Variants in RSRC2 observed in about 807,000 individuals in gnomAD.
RSRC2 encodes the protein arginine/serine-rich coiled-coil protein 2.
RSRC2 carries 5 observed loss-of-function variants against 61.3 expected under a neutral mutation model. That is an observed-to-expected ratio of 0.08 (90% CI 0.04 to 0.17). The LOEUF (loss-of-function observed/expected upper bound fraction) is 0.17. Among genes scored for constraint, RSRC2 ranks in the 10% least tolerant of loss-of-function variants. RSRC2 has a pLI of 1.00. For synonymous variants in RSRC2, 202 were observed against 166.5 expected (o/e 1.21, Z -1.64); for missense variants, 381 against 518.8 (o/e 0.73, Z 2.58).
intron 3 of RSRC2, chr12:122,520,393 A>G: frequency 4.7e-6 from 3 of 638,506 alleles, no homozygotes; most frequent in Non-Finnish European, 7.7e-6. Flanking sequence ...AGTTTATTTC[A>G]AACCAGTTTT....
At chr12:122,510,805 G>C (rs995989850) in intron 7 of RSRC2, among the ~76,000 whole-genome samples, 2 of 152,202 alleles carry the variant, frequency 1.3e-5, no homozygotes, top group Non-Finnish European at 2.9e-5. Flanking sequence ...CCAGCACTTT[G>C]GGAGGCTGGG....
intron 5 of RSRC2, among the ~76,000 whole-genome samples, 185 bp from the exon 6 acceptor site, chr12:122,515,412 C>T (rs1958831102): frequency 6.6e-6 from 1 of 152,192 alleles, no homozygotes; most frequent in African/African-American, 2.4e-5. Context: ...CCAACTCCCT[C>T]ATCCCTTTTT....
intron 2 of RSRC2, among the ~76,000 whole-genome samples, chr12:122,521,768 A>G (rs1338481581): frequency 2.0e-5 from 3 of 152,254 alleles, no homozygotes; most frequent in Non-Finnish European, 4.4e-5. Context: ...TAAGAAAAAT[A>G]AAAACTAAAG....
At chr12:122,522,007 C>T in intron 2 of RSRC2, 136 bp downstream of exon 2, 1 of 873,348 alleles carries the variant, frequency 1.1e-6, no homozygotes, top group Non-Finnish European at 1.7e-6. Context: ...CCTGCCTTGG[C>T]CTCCCAAAGT....
At position 122,506,820 on chromosome 12, in the gene RSRC2, C is replaced by A; in HGVS notation, c.1125+14G>T. The A allele has an allele frequency of 1.4e-6, 2 of 1,468,084 alleles. No individual in the cohort carries two copies. The highest frequency in any genetic ancestry group is 1.9e-6 in the Non-Finnish European group (2 of 1,048,808). 90.9% of individuals were successfully genotyped at this position (1,468,084 alleles called of 1,614,324 possible). A position where few individuals can be genotyped will look rare whatever the true frequency, so the allele number is the denominator to read the frequency against. ...TAGCTAATACAAAGATCCCCTGGCA[C>A]ATGTGAAACTCACCTTAATACCCAT... is the stretch of plus-strand genomic sequence containing the variant. On this transcript the variant is annotated intron_variant, in intron 9 of 9. Coordinates refer to ENST00000331738, the MANE Select transcript of RSRC2 (RefSeq NM_023012.6).
chr12:122,517,728 ATACTT>A (rs955732523), intron 4 of RSRC2, among the ~76,000 whole-genome samples: 5 of 152,152 alleles, frequency 3.3e-5, no homozygotes, highest in Admixed American at 2.0e-4. Context: ...ACAAATCTTA[ATACTT>A]TAGTTTATCT....
chr12:122,508,484 A>T, intron 7 of RSRC2, 37 bp from the exon 8 acceptor site: 2 of 1,466,726 alleles, frequency 1.4e-6, no homozygotes, highest in Non-Finnish European at 1.9e-6. Context: ...TTTTAAAACG[A>T]TTTTAAAACA....
chr12:122,514,892 G>A (rs1403186538), intron 6 of RSRC2: 12 of 685,878 alleles, frequency 1.7e-5, no homozygotes, highest in Non-Finnish European at 1.5e-5. Context: ...AAATCATGAA[G>A]GAAAAAACAG....
At chr12:122,517,527 C>G in intron 4 of RSRC2, 97 bp from the exon 5 acceptor site, 2 of 1,428,000 alleles carry the variant, frequency 1.4e-6, no homozygotes. Flanking sequence ...GCAATAAAGA[C>G]AAGCAAGTAA....
At chr12:122,513,324 C>T (rs933475837) in intron 6 of RSRC2, among the ~76,000 whole-genome samples, 4 of 151,296 alleles carry the variant, frequency 2.6e-5, no homozygotes, top group African/African-American at 9.7e-5. Flanking sequence ...AAATCCTGAC[C>T]TTTAAGCCAA....
At chr12:122,520,565 CTT>C in intron 3 of RSRC2, 8 of 1,367,482 alleles carry the variant, frequency 5.9e-6, no homozygotes, top group Non-Finnish European at 7.8e-6. Flanking sequence ...AGTTCAGTCT[CTT>C]CGCGCATAAG....
chr12:122,516,272 C>G (rs1334318231), intron 5 of RSRC2, among the ~76,000 whole-genome samples: 2 of 152,154 alleles, frequency 1.3e-5, no homozygotes, highest in Admixed American at 6.5e-5. Flanking sequence ...GAGAATAACG[C>G]ATTCATTGAA....
chr12:122,514,629 A>G, intron 6 of RSRC2: 1 of 1,047,612 alleles, frequency 9.5e-7, no homozygotes, highest in African/African-American at 1.7e-5. Context: ...AATAAAACTT[A>G]CAAGATCAAA....
Position 122,526,891 on chromosome 12 carries a change from T to A in RSRC2, c.-38A>T, listed in dbSNP as rs770049303. ...CGGCCGCTAGAGCGGCGCCTCCACTTGTCGCTTTCAACAGTACCGGCCGCT... is the reference window on the plus strand; with the variant it reads ...CGGCCGCTAGAGCGGCGCCTCCACTAGTCGCTTTCAACAGTACCGGCCGCT... On this transcript the variant is annotated 5_prime_UTR_variant, in exon 1 of 10. Coordinates refer to ENST00000331738, the MANE Select transcript of RSRC2 (RefSeq NM_023012.6). 6.2e-7 allele frequency: 1 copy of A among 1,613,666 alleles called. No individual in the cohort carries two copies. Among genetic ancestry groups the A allele is most frequent in the Non-Finnish European group, 8.5e-7 (1 of 1,179,664 alleles).
At chr12:122,514,328 G>A (rs1450768070) in intron 6 of RSRC2, among the ~76,000 whole-genome samples, 4 of 149,114 alleles carry the variant, frequency 2.7e-5, no homozygotes, top group Admixed American at 6.7e-5. Flanking sequence ...GCAGTGGTGC[G>A]ATCTTGGCTT....
chr12:122,520,027 A>C (rs1959174593), intron 3 of RSRC2: 1 of 154,508 alleles, frequency 6.5e-6, no homozygotes. Context: ...TTACAAAGCT[A>C]CATGGGTGAG....
At chr12:122,506,626 C>T in intron 9 of RSRC2, 2 of 468,234 alleles carry the variant, frequency 4.3e-6, no homozygotes, top group Non-Finnish European at 7.6e-6. Flanking sequence ...CTCTCTCTCT[C>T]TCTCCAAGTG....
At position 122,504,146 on chromosome 12, in the gene RSRC2, T is replaced by C. The variant is rs1372397843; in HGVS notation, c.*1381A>G. 1 of 152,194 alleles carries C rather than the reference T, an allele frequency of 6.6e-6. No homozygotes were observed. The highest frequency in any genetic ancestry group is 1.5e-5 in the Non-Finnish European group (1 of 68,040). 9.4% of individuals were successfully genotyped at this position (152,194 alleles called of 1,614,324 possible). ...CAAGACTTAATTCCAGCTTTTAAAA[T>C]AAGGCTGTCAATCTTATTCCTGTAG... is the stretch of plus-strand genomic sequence containing the variant. On this transcript the variant is annotated 3_prime_UTR_variant, in exon 10 of 10. Transcript: ENST00000331738.
intron 1 of RSRC2, chr12:122,522,970 T>C (rs1049944449): frequency 6.6e-6 from 1 of 152,106 alleles, no homozygotes; most frequent in Non-Finnish European, 1.5e-5. Flanking sequence ...CAATATAAAT[T>C]TTACAAGTTT....
Sources: allele counts gnomAD v4.1 joint callset (sites outside exome capture counted in the v4.1 genomes callset), GRCh38; gene constraint gnomAD v4.1.1; transcripts MANE v1.5; gene names NCBI Gene and HGNC (gene_info 2026-07-23, HGNC 2026-07-21).